The following F5 variants were observed in gnomAD, a reference collection of about 807,000 sequenced individuals.
The protein encoded by F5 is coagulation factor V.
Under a neutral mutation model 216.4 loss-of-function variants are expected in F5, and 138 were observed. The ratio of observed to expected loss-of-function variants is 0.64; its 90% confidence interval spans 0.56 to 0.73. F5 has a LOEUF of 0.73. Ranked by LOEUF, F5 falls within the 30% of genes least tolerant of loss-of-function variation. The pLI is 0.00. For synonymous variants in F5, 916 were observed against 930.7 expected, an observed-to-expected ratio of 0.98 and a Z score of 0.29; for missense variants, 2,403 against 2,674.0, an observed-to-expected ratio of 0.90 and a Z score of 2.24.
At position 169,529,680 on chromosome 1, in the gene F5, A is replaced by T. The variant is rs529796831; in HGVS notation, c.5347T>A (p.Tyr1783Asn). Reference protein sequence around the residue: ...FMTFDEKKSWYYEKKSRSSWR... With the variant: ...FMTFDEKKSWNYEKKSRSSWR... ...GAACTTCGGGACTTCTTTTCATAGT[A>T]CCAGCTCTTCTTTTCATCAAAGGTC... Residue 1783 changes from tyrosine to asparagine, a missense_variant, in exon 16 of 25, where the codon TAC (tyrosine) becomes AAC (asparagine). This residue lies in a region of F5 where 659 missense variants were observed against 787.9 expected (regional missense o/e 0.84). Coordinates refer to ENST00000367797, the MANE Select transcript of F5 (RefSeq NM_000130.5). The T allele has an allele frequency of 6.2e-7, 1 of 1,613,846 alleles. No homozygotes were observed. Among genetic ancestry groups the T allele is most frequent in the Non-Finnish European group, 8.5e-7 (1 of 1,179,820 alleles).
At chr1:169,548,899 A>G (rs1660088867) in intron 10 of F5, among the ~76,000 whole-genome samples, 1 of 151,976 alleles carries the variant, frequency 6.6e-6, no homozygotes, top group African/African-American at 2.4e-5. Flanking sequence ...ACAAATCCCA[A>G]AAGAAAAATC....
chr1:169,566,876 A>G (rs1203122316), intron 3 of F5, among the ~76,000 whole-genome samples: 15 of 152,082 alleles, frequency 9.9e-5, no homozygotes, highest in Admixed American at 9.8e-4. Context: ...TGCAATTAAT[A>G]CAGCCTCTTT....
rs573819305 is a variant in F5 at position 169,532,387 on chromosome 1, A to G, written c.4972-1365T>C. ...AGAAAGAAATAAAAGGCAACCAAAG[A>G]AGAAAAGAAGTTAAAGTATCTCTCT... is the stretch of plus-strand genomic sequence containing the variant. On this transcript the variant is annotated intron_variant, in intron 14 of 24. Transcript: ENST00000367797. 2.0e-5 allele frequency among the ~76,000 whole-genome samples: 3 copies of G among 152,184 alleles called. No homozygotes were observed. The South Asian group carries it at 6.2e-4, about 32-fold the overall frequency.
intron 2 of F5, among the ~76,000 whole-genome samples, chr1:169,580,972 G>T (rs1660973378): frequency 6.6e-6 from 1 of 152,124 alleles, no homozygotes; most frequent in Non-Finnish European, 1.5e-5. Context: ...ATTAATTCAA[G>T]GTACTGGGGA....
intron 4 of F5, 52 bp downstream of exon 4, chr1:169,560,502 C>A (rs1660449150): frequency 6.3e-7 from 1 of 1,577,956 alleles, no homozygotes; most frequent in South Asian, 1.1e-5. Context: ...TGACAGAACT[C>A]CTGACCATTC....
At chr1:169,522,412 G>A (rs1192287627) in intron 21 of F5, among the ~76,000 whole-genome samples, 3 of 152,028 alleles carry the variant, frequency 2.0e-5, no homozygotes, top group African/African-American at 4.8e-5. Flanking sequence ...GAACATAGAC[G>A]ACAAAATCTT....
At chr1:169,574,997 G>A (rs1040308566) in intron 2 of F5, among the ~76,000 whole-genome samples, 2 of 152,076 alleles carry the variant, frequency 1.3e-5, no homozygotes, top group East Asian at 1.9e-4. Context: ...AACTTTATAC[G>A]TTTTTATAGT....
chr1:169,552,928 C>T (rs562732792), intron 7 of F5, among the ~76,000 whole-genome samples, 194 bp from the exon 8 acceptor site: 1 of 152,250 alleles, frequency 6.6e-6, no homozygotes, highest in South Asian at 2.1e-4. Context: ...GATTTGTCTC[C>T]TGCATCACTG....
At chr1:169,582,281 G>T in intron 2 of F5, 150 bp downstream of exon 2, 3 of 495,184 alleles carry the variant, frequency 6.1e-6, no homozygotes, top group Non-Finnish European at 1.1e-5. Flanking sequence ...TTTTGCACTG[G>T]GCCCCACATA....
rs200532195 is a variant in F5, at chr1:169,555,279, G to A, written c.1021C>T (p.Arg341Cys). The change falls in exon 7 of 25, where the codon CGT (arginine) becomes TGT (cysteine). Residue 341 changes from arginine (R) to cysteine (C), a missense_variant. Transcript: ENST00000367797. Reference protein sequence around the residue: ...KKTRNLKKITREQRRHMKRWE... With the variant: ...KKTRNLKKITCEQRRHMKRWE... ...CTCTTCATGTGCCGCCTCTGCTCAC[G>A]AGTTATTTTCTTAAGATTCCTGGTT... 531 of 1,613,982 alleles carry A rather than the reference G, an allele frequency of 3.3e-4. 2 individuals carry two copies. The highest frequency in any genetic ancestry group is 2.7e-5 in the African/African-American group (2 of 74,978).
At chr1:169,560,881 A>G (rs1037506734) in intron 3 of F5, 115 bp from the exon 4 acceptor site, 5 of 846,184 alleles carry the variant, frequency 5.9e-6, no homozygotes, top group East Asian at 5.1e-5. Context: ...ATGTCCTTCA[A>G]TAGTGAACTT....
chr1:169,527,269 T>C (rs901371227), intron 17 of F5, among the ~76,000 whole-genome samples: 1 of 152,112 alleles, frequency 6.6e-6, no homozygotes, highest in Non-Finnish European at 1.5e-5. Flanking sequence ...TTAACTGACT[T>C]CCTAGGTTTT....
chr1:169,571,406 T>C (rs1380511640), intron 3 of F5, among the ~76,000 whole-genome samples: 1 of 152,164 alleles, frequency 6.6e-6, no homozygotes, highest in African/African-American at 2.4e-5. Flanking sequence ...TTCCATTTTA[T>C]AGATGAGAAA....
intron 3 of F5, among the ~76,000 whole-genome samples, chr1:169,568,996 G>T (rs1386187779): frequency 6.6e-6 from 1 of 152,134 alleles, no homozygotes; most frequent in East Asian, 1.9e-4. Flanking sequence ...GGCAATGGGC[G>T]AATCAATGCT....
At chr1:169,581,217 G>A (rs1159497796) in intron 2 of F5, among the ~76,000 whole-genome samples, 1 of 152,178 alleles carries the variant, frequency 6.6e-6, no homozygotes, top group Admixed American at 6.5e-5. Flanking sequence ...CAGAAAGGAA[G>A]AGTGTTAAAT....
intron 17 of F5, among the ~76,000 whole-genome samples, 189 bp downstream of exon 17, chr1:169,527,726 C>T (rs1409826662): frequency 1.3e-5 from 2 of 152,138 alleles, no homozygotes; most frequent in Non-Finnish European, 2.9e-5. Flanking sequence ...GCAAATAGTT[C>T]ATAAATTAGG....
chr1:169,556,042 G>A (rs1218634856), intron 6 of F5, among the ~76,000 whole-genome samples: 3 of 152,128 alleles, frequency 2.0e-5, no homozygotes, highest in East Asian at 3.8e-4. Context: ...AAGCAAAAAT[G>A]TGTAGTAGAA....
chr1:169,554,419 T>C (rs570275458), intron 7 of F5, among the ~76,000 whole-genome samples: 41 of 152,360 alleles, frequency 2.7e-4, no homozygotes, highest in Non-Finnish European at 5.4e-4. Flanking sequence ...TTCCATTGTA[T>C]GAATGTATCC....
At position 169,526,063 on chromosome 1, in the gene F5, A is replaced by C. The variant is rs768541129; in HGVS notation, c.5600-46T>G. 2.3e-6 allele frequency: 3 copies of C among 1,302,484 alleles called. No homozygotes were observed. In the East Asian group the frequency reaches 7.0e-5, roughly 30 times the overall value. The allele number at this position is 1,302,484 out of a possible 1,614,324, so 80.7% of individuals were successfully genotyped here. On this transcript the variant is annotated intron_variant, in intron 17 of 24. Transcript: ENST00000367797. ...TTACATTTGCAAAAATTAACAAGTA[A>C]ATATTGTGGTTGATAGTTCTCTAAG... is the stretch of plus-strand genomic sequence containing the variant.
Sources: allele counts gnomAD v4.1 joint callset (sites outside exome capture counted in the v4.1 genomes callset), GRCh38; gene constraint gnomAD v4.1.1; regional missense constraint gnomAD v4.1.1; transcripts MANE v1.5; gene names NCBI Gene and HGNC (gene_info 2026-07-23, HGNC 2026-07-21).